Variants in KCNIP4 observed in about 807,000 individuals in gnomAD.
KCNIP4 encodes the protein potassium voltage-gated channel interacting protein 4, also known as Kv channel-interacting protein 4.
KCNIP4 carries 12 observed loss-of-function variants against 34.0 expected under a neutral mutation model. That is an observed-to-expected ratio of 0.35 (90% CI 0.23 to 0.57). KCNIP4 has a LOEUF of 0.57. Among genes scored for constraint, KCNIP4 ranks in the 20% least tolerant of loss-of-function variants. The pLI is 0.83. For synonymous variants in KCNIP4, 124 were observed against 102.2 expected, an observed-to-expected ratio of 1.21 and a Z score of -1.29; for missense variants, 238 against 311.7, an observed-to-expected ratio of 0.76 and a Z score of 1.78.
chr4:21,342,865 T>G (rs1716900385), intron 1 of KCNIP4, among the ~76,000 whole-genome samples: 1 of 152,102 alleles, frequency 6.6e-6, no homozygotes, highest in Non-Finnish European at 1.5e-5. Flanking sequence ...CACATCATTC[T>G]CTGTCCATTT....
At chr4:21,721,024 T>C (rs1714790983) in intron 1 of KCNIP4, among the ~76,000 whole-genome samples, 1 of 152,186 alleles carries the variant, frequency 6.6e-6, no homozygotes, top group Admixed American at 6.5e-5. Context: ...ATCCTTTGGG[T>C]ATATACCCAG....
chr4:21,739,686 T>G (rs1401858921), intron 1 of KCNIP4, among the ~76,000 whole-genome samples: 1 of 152,086 alleles, frequency 6.6e-6, no homozygotes, highest in African/African-American at 2.4e-5. Context: ...CACACCACTA[T>G]GATATAAGGA....
chr4:21,501,129 C>T (rs952515046), intron 1 of KCNIP4, among the ~76,000 whole-genome samples: 3 of 151,998 alleles, frequency 2.0e-5, no homozygotes, highest in African/African-American at 7.2e-5. Flanking sequence ...TCTTGCCTCC[C>T]CAAGATGTTA....
intron 1 of KCNIP4, among the ~76,000 whole-genome samples, chr4:21,841,533 A>C (rs546741814): frequency 6.6e-6 from 1 of 152,274 alleles, no homozygotes; most frequent in Admixed American, 6.5e-5. Context: ...TTCTGCCTAT[A>C]AATTTTATTT....
chr4:20,847,697 T>A (rs1274285124), intron 3 of KCNIP4, among the ~76,000 whole-genome samples: 1 of 152,158 alleles, frequency 6.6e-6, no homozygotes, highest in East Asian at 1.9e-4. Flanking sequence ...TGCTAGGGGA[T>A]GTATCAGAGA....
At chr4:21,036,187 G>T (rs1741428506) in intron 1 of KCNIP4, among the ~76,000 whole-genome samples, 1 of 152,148 alleles carries the variant, frequency 6.6e-6, no homozygotes. Context: ...TACATATACT[G>T]TATTACATAT....
At chr4:21,731,573 A>G (rs1375561756) in intron 1 of KCNIP4, among the ~76,000 whole-genome samples, 1 of 152,132 alleles carries the variant, frequency 6.6e-6, no homozygotes, top group African/African-American at 2.4e-5. Context: ...TTAAATTAAG[A>G]TATTTTTTAT....
chr4:21,746,961 AT>A (rs1453408665), intron 1 of KCNIP4, among the ~76,000 whole-genome samples: 1 of 152,204 alleles, frequency 6.6e-6, no homozygotes. Flanking sequence ...CAGTTTTAAA[AT>A]TTCCAAAAAG....
intron 1 of KCNIP4, among the ~76,000 whole-genome samples, chr4:21,179,175 C>A (rs6846098): frequency 0.023 from 3,446 of 152,178 alleles, 129 homozygotes; most frequent in African/African-American, 0.077. Context: ...GAATTTGGAC[C>A]CCATATTCTA....
intron 1 of KCNIP4, among the ~76,000 whole-genome samples, chr4:21,701,361 C>A (rs1006116713): frequency 6.6e-6 from 1 of 152,148 alleles, no homozygotes; most frequent in African/African-American, 2.4e-5. Flanking sequence ...ATGACCACAG[C>A]TGCTAATAAC....
At chr4:20,858,999 C>T (rs1302120910) in intron 2 of KCNIP4, among the ~76,000 whole-genome samples, 1 of 152,146 alleles carries the variant, frequency 6.6e-6, no homozygotes, top group Non-Finnish European at 1.5e-5. Flanking sequence ...GAGATGGCAA[C>T]AATTAAATTA....
intron 1 of KCNIP4, among the ~76,000 whole-genome samples, chr4:21,286,305 G>T (rs994737368): frequency 1.3e-5 from 2 of 152,154 alleles, no homozygotes; most frequent in Non-Finnish European, 2.9e-5. Context: ...TAAGGCCACC[G>T]TTCCCTATTA....
At chr4:21,303,322 C>G (rs546186848) in intron 1 of KCNIP4, among the ~76,000 whole-genome samples, 1 of 152,296 alleles carries the variant, frequency 6.6e-6, no homozygotes, top group East Asian at 1.9e-4. Flanking sequence ...CTCCAGAAGA[C>G]TTTATGAAAA....
intron 1 of KCNIP4, chr4:21,718,573 A>G (rs1714565791): frequency 6.6e-6 from 1 of 152,042 alleles, no homozygotes; most frequent in South Asian, 2.1e-4. Flanking sequence ...CTTGTCTGAA[A>G]CTTCTCTAAA....
chr4:20,886,709 C>T (rs1725353200), intron 1 of KCNIP4, among the ~76,000 whole-genome samples: 1 of 152,122 alleles, frequency 6.6e-6, no homozygotes, highest in African/African-American at 2.4e-5. Context: ...AGAGTAAGGG[C>T]CATAGTGTAT....
intron 1 of KCNIP4, among the ~76,000 whole-genome samples, chr4:21,105,843 A>G (rs1017880487): frequency 1.1e-4 from 17 of 151,572 alleles, no homozygotes; most frequent in South Asian, 6.2e-4. Context: ...TTCTGCATCT[A>G]TTGAGATAAT....
chr4:21,947,306 T>G (rs1730561006), intron 1 of KCNIP4, among the ~76,000 whole-genome samples: 1 of 152,198 alleles, frequency 6.6e-6, no homozygotes, highest in Admixed American at 6.5e-5. Context: ...TATGCTTGGC[T>G]CGTAATGAGT....
At chr4:21,799,303 T>A (rs1465302413) in intron 1 of KCNIP4, among the ~76,000 whole-genome samples, 2 of 152,212 alleles carry the variant, frequency 1.3e-5, no homozygotes, top group African/African-American at 4.8e-5. Flanking sequence ...TGAGGTCTAT[T>A]ATCTCTAGTA....
At chr4:21,665,101 T>G (rs1321525803) in intron 1 of KCNIP4, among the ~76,000 whole-genome samples, 5 of 152,194 alleles carry the variant, frequency 3.3e-5, no homozygotes, top group Non-Finnish European at 5.9e-5. Flanking sequence ...ATGTCTGACA[T>G]ATAGTGGGCT....
Sources: gnomAD v4.1 joint callset for allele counts (sites outside exome capture counted in the v4.1 genomes callset) on GRCh38, gnomAD v4.1.1 for gene constraint, MANE v1.5 for transcripts, NCBI Gene and HGNC (gene_info 2026-07-23, HGNC 2026-07-21) for gene names.